Variants in PCDH7 observed in about 807,000 individuals in gnomAD.
PCDH7 encodes the protein protocadherin 7.
A neutral mutation model predicts 58.9 loss-of-function variants in PCDH7; 17 were observed. That is an observed-to-expected ratio of 0.29 (90% CI 0.20 to 0.43). The LOEUF is 0.43. PCDH7 is among the 20% of genes least tolerant of loss of function. The probability of loss-of-function intolerance (pLI) is 1.00; values close to 1 mark genes in which losing one functional copy is unlikely to be tolerated. For missense variants in PCDH7, 1,274 were observed against 1,441.0 expected, an observed-to-expected ratio of 0.88 and a Z score of 1.88; for synonymous variants, 664 against 616.4, an observed-to-expected ratio of 1.08 and a Z score of -1.14.
intron 3 of PCDH7, among the ~76,000 whole-genome samples, chr4:31,014,080 T>G (rs1465661797): frequency 1.3e-5 from 2 of 152,042 alleles, no homozygotes; most frequent in Non-Finnish European, 1.5e-5. Flanking sequence ...TTTTCAGTAC[T>G]AAAGTACTAA....
chr4:30,844,770 G>C (rs1377220975), intron 1 of PCDH7, among the ~76,000 whole-genome samples: 1 of 152,128 alleles, frequency 6.6e-6, no homozygotes, highest in Non-Finnish European at 1.5e-5. Flanking sequence ...GGTAGATATT[G>C]GAAAGAGAGC....
intron 3 of PCDH7, among the ~76,000 whole-genome samples, chr4:31,077,437 A>G (rs1274176945): frequency 6.6e-6 from 1 of 152,020 alleles, no homozygotes; most frequent in Non-Finnish European, 1.5e-5. Flanking sequence ...AAAAGAAAAA[A>G]AGAAAAAAAA....
At chr4:30,985,394 T>C (rs748626639) in intron 3 of PCDH7, among the ~76,000 whole-genome samples, 12 of 152,170 alleles carry the variant, frequency 7.9e-5, no homozygotes, top group Non-Finnish European at 1.8e-4. Flanking sequence ...TTTCAACAAA[T>C]GTTATTCCAG....
chr4:30,757,664 G>A (rs1197419465), intron 1 of PCDH7, among the ~76,000 whole-genome samples: 1 of 152,048 alleles, frequency 6.6e-6, no homozygotes, highest in Non-Finnish European at 1.5e-5. Context: ...TGCCTCCCAC[G>A]CCAAATGAGT....
intron 1 of PCDH7, among the ~76,000 whole-genome samples, chr4:30,805,986 T>C (rs78992169): frequency 0.011 from 1,610 of 152,354 alleles, 24 homozygotes; most frequent in African/African-American, 0.037. Flanking sequence ...TATTGCATTG[T>C]ACTTACTAAG....
intron 1 of PCDH7, among the ~76,000 whole-genome samples, chr4:30,771,290 A>G (rs572175199): frequency 6.6e-6 from 1 of 152,338 alleles, no homozygotes; most frequent in Non-Finnish European, 1.5e-5. Context: ...TTAGGATTAT[A>G]GGGAAACTCA....
intron 3 of PCDH7, among the ~76,000 whole-genome samples, chr4:31,116,516 G>T (rs1717001313): frequency 6.6e-6 from 1 of 152,120 alleles, no homozygotes; most frequent in African/African-American, 2.4e-5. Context: ...ATTTTCGGTG[G>T]CACTGGCACC....
intron 3 of PCDH7, among the ~76,000 whole-genome samples, chr4:31,109,282 C>T (rs1715989862): frequency 6.6e-6 from 1 of 152,150 alleles, no homozygotes; most frequent in Non-Finnish European, 1.5e-5. Context: ...AGAATTATGA[C>T]CATTTTAGCA....
At chr4:30,781,362 G>T (rs1280609899) in intron 1 of PCDH7, among the ~76,000 whole-genome samples, 2 of 151,634 alleles carry the variant, frequency 1.3e-5, no homozygotes, top group South Asian at 2.1e-4. Context: ...GGATGTTCTC[G>T]ATCTCCTGAC....
intron 1 of PCDH7, among the ~76,000 whole-genome samples, chr4:30,898,182 C>G (rs1312352512): frequency 6.6e-6 from 1 of 152,258 alleles, no homozygotes; most frequent in East Asian, 1.9e-4. Flanking sequence ...AATAAAACCA[C>G]AGATTGCATT....
chr4:30,745,730 A>C (rs985077817), intron 1 of PCDH7, among the ~76,000 whole-genome samples: 17 of 152,150 alleles, frequency 1.1e-4, no homozygotes, highest in Admixed American at 4.6e-4. Context: ...CTTCTTATTT[A>C]GTGCTGATAT....
chr4:30,984,149 T>C (rs1035955967), intron 3 of PCDH7, among the ~76,000 whole-genome samples: 2 of 152,084 alleles, frequency 1.3e-5, no homozygotes, highest in African/African-American at 4.8e-5. Flanking sequence ...ACAGAAAAAA[T>C]TCCCTTGCTA....
At chr4:30,764,628 T>C (rs16884054) in intron 1 of PCDH7, among the ~76,000 whole-genome samples, 6 of 152,178 alleles carry the variant, frequency 3.9e-5, no homozygotes, top group African/African-American at 1.4e-4. Context: ...TAGGTTTCAC[T>C]AGATCTTTAT....
chr4:30,941,439 G>T (rs1276020132), intron 2 of PCDH7, among the ~76,000 whole-genome samples: 1 of 151,908 alleles, frequency 6.6e-6, no homozygotes, highest in South Asian at 2.1e-4. Flanking sequence ...TTTGACAAAA[G>T]AATGTTTCCC....
intron 1 of PCDH7, among the ~76,000 whole-genome samples, chr4:30,847,164 A>T (rs1433636403): frequency 1.3e-5 from 2 of 152,010 alleles, no homozygotes; most frequent in Non-Finnish European, 1.5e-5. Flanking sequence ...GCATTTTTTT[A>T]AAAAAGGTTT....
intron 1 of PCDH7, among the ~76,000 whole-genome samples, chr4:30,764,952 G>A (rs1577706050): frequency 6.6e-6 from 1 of 151,674 alleles, no homozygotes; most frequent in African/African-American, 2.4e-5. Flanking sequence ...ATCTCCTGAC[G>A]TCGTGATCTG....
At chr4:30,818,932 G>C (rs1183499829) in intron 1 of PCDH7, among the ~76,000 whole-genome samples, 2 of 152,074 alleles carry the variant, frequency 1.3e-5, no homozygotes, top group Non-Finnish European at 2.9e-5. Flanking sequence ...AATTTCATCT[G>C]ATTGATTTTT....
Position 30,723,635 on chromosome 4 carries a change from A to G in PCDH7, c.2213A>G (p.Asn738Ser). The change falls in exon 1 of 2, where the codon AAT (asparagine) becomes AGT (serine). Residue 738 changes from asparagine to serine, a missense_variant. Transcript: ENST00000361762. This position sits in a 1 kb window ranked among gnomAD's most constrained non-coding sequence, Gnocchi z 4.6. The stretch of plus-strand genomic sequence containing the variant: ...CTTTTTGTGATGGATGAAAATGACA[A>G]TGCTCCCACAGTTACCCTTCCCAAA... 6.2e-7 allele frequency: 1 copy of G among 1,614,148 alleles called. No homozygotes were observed. The highest frequency in any genetic ancestry group is 8.5e-7 in the Non-Finnish European group (1 of 1,180,032).
chr4:31,012,810 C>T (rs1047116064), intron 3 of PCDH7, among the ~76,000 whole-genome samples: 13 of 150,514 alleles, frequency 8.6e-5, no homozygotes, highest in African/African-American at 2.7e-4. Flanking sequence ...TCAAGACCAG[C>T]CTGGGCAACA....
Sources: gnomAD v4.1 joint callset for allele counts (sites outside exome capture counted in the v4.1 genomes callset) on GRCh38, gnomAD v4.1.1 for gene constraint, Gnocchi (gnomAD v3.1) non-coding constraint, MANE v1.5 for transcripts, NCBI Gene and HGNC (gene_info 2026-07-23, HGNC 2026-07-21) for gene names.